Variants in XPA observed in about 807,000 individuals in gnomAD.
XPA encodes the protein XPA, DNA damage recognition and repair factor.
In XPA, 27 loss-of-function variants were observed where a neutral mutation model predicts 35.7. That is an observed-to-expected ratio of 0.76 (90% confidence interval 0.56 to 1.04). The LOEUF (loss-of-function observed/expected upper bound fraction) is 1.04. Among genes scored for constraint, XPA ranks in the 50% least tolerant of loss-of-function variants. The pLI, the probability that XPA is intolerant of heterozygous loss-of-function variation, is 0.00. For missense variants in XPA, 354 were observed against 342.7 expected (o/e 1.03, Z -0.26); for synonymous variants, 133 against 118.4 (o/e 1.12, Z -0.80).
intron 2 of XPA, among the ~76,000 whole-genome samples, chr9:97,690,394 G>A (rs887389173): frequency 6.6e-6 from 1 of 150,746 alleles, no homozygotes. Flanking sequence ...TTTTTGTTTT[G>A]TTTTGTTTTT....
the XPA span, among the ~76,000 whole-genome samples, chr9:97,669,360 G>T: frequency 6.6e-6 from 1 of 152,118 alleles, no homozygotes; most frequent in African/African-American, 2.4e-5. Context: ...ATATTACTAG[G>T]ATAAGTAATT....
the XPA span, among the ~76,000 whole-genome samples, chr9:97,663,970 G>C: frequency 3.3e-5 from 5 of 151,634 alleles, no homozygotes; most frequent in Non-Finnish European, 2.9e-5. Flanking sequence ...CTTGAAGCCA[G>C]GAGTTCGAGA....
In XPA at chr9:97,675,348, T is replaced by C. The variant is rs777059306; in HGVS notation, c.*91A>G. 5 of 1,335,338 alleles carry C rather than the reference T, an allele frequency of 3.7e-6. No individual in the cohort carries two copies. In the African/African-American group the frequency reaches 6.0e-5, roughly 16 times the overall value. 82.7% of individuals were successfully genotyped at this position (1,335,338 alleles called of 1,614,324 possible). ...AGGGTTTCATTCATCTATGAAGATG[T>C]TGCTTTTTTTTTTGAATTTTGAAAA... On this transcript the variant is annotated 3_prime_UTR_variant, in exon 6 of 6. Transcript: ENST00000375128.
chr9:97,675,944 T>C, intron 5 of XPA: 1 of 263,324 alleles, frequency 3.8e-6, no homozygotes, highest in South Asian at 5.2e-5. Context: ...AATGCCACAG[T>C]AGGAAAAGGA....
At chr9:97,661,167 T>C in the XPA span, 1 of 1,469,378 alleles carries the variant, frequency 6.8e-7, no homozygotes, top group African/African-American at 1.4e-5. Flanking sequence ...GCAATATATC[T>C]ATATCTGTTT....
At chr9:97,665,119 A>G in the XPA span, among the ~76,000 whole-genome samples, 1,531 of 152,288 alleles carry the variant, frequency 0.01, 25 homozygotes, top group African/African-American at 0.035. Flanking sequence ...GTCCATCACA[A>G]CCTTTAACTT....
chr9:97,687,347 C>G, intron 3 of XPA, 86 bp from the exon 4 acceptor site: 1 of 1,196,378 alleles, frequency 8.4e-7, no homozygotes, highest in Non-Finnish European at 1.1e-6. Context: ...GGGGCACACA[C>G]AGCAAAAAGG....
At position 97,689,592 on chromosome 9, in the gene XPA, C is replaced by A. The variant is rs769255883; in HGVS notation, c.331G>T (p.Glu111Ter). Residue 111 changes from glutamate (E) to a stop codon, truncating the protein, a stop_gained, in exon 3 of 6, where the codon GAA becomes TAA. Transcript: ENST00000375128. LOFTEE classifies it high-confidence loss of function. ...TTCATAAGATAAGAATCCATAAATT[C>A]TTTCCCACATTCTTCGCATATTACA... ...DYVICEECGK[E>*]FMDSYLMNHF... 5.0e-6 allele frequency: 8 copies of A among 1,613,144 alleles called. No homozygotes were observed. In the African/African-American group the frequency reaches 8.0e-5, roughly 16 times the overall value.
the XPA span, chr9:97,662,927 G>A: frequency 6.7e-7 from 1 of 1,503,414 alleles, no homozygotes; most frequent in Non-Finnish European, 9.2e-7. Flanking sequence ...AGTATATATG[G>A]TATTTTTTTC....
chr9:97,693,618 T>C (rs1335660185), intron 2 of XPA, 31 bp downstream of exon 2: 11 of 1,579,914 alleles, frequency 7.0e-6, no homozygotes, highest in Admixed American at 5.0e-5. Flanking sequence ...ATAACCAATC[T>C]AGATACTTAT....
intron 5 of XPA, among the ~76,000 whole-genome samples, chr9:97,683,323 AC>A (rs1203118708): frequency 6.6e-6 from 1 of 152,268 alleles, no homozygotes; most frequent in East Asian, 1.9e-4. Flanking sequence ...GGTGTAAAGC[AC>A]TGAAAAGATT....
the XPA span, among the ~76,000 whole-genome samples, chr9:97,657,256 G>A: frequency 5.3e-5 from 8 of 152,292 alleles, no homozygotes; most frequent in East Asian, 3.9e-4. Context: ...ATGAGCCACC[G>A]TGCCCAGCCT....
chr9:97,686,422 G>A (rs531959367), intron 4 of XPA, among the ~76,000 whole-genome samples: 1 of 152,146 alleles, frequency 6.6e-6, no homozygotes, highest in African/African-American at 2.4e-5. Context: ...ATGGACACTC[G>A]CTAGCATTCC....
chr9:97,695,558 G>A (rs77037505), intron 1 of XPA, among the ~76,000 whole-genome samples: 169 of 152,258 alleles, frequency 1.1e-3, no homozygotes, highest in African/African-American at 3.9e-3. Context: ...TGGAGTAGTC[G>A]AGCCCATGAC....
intron 1 of XPA, 120 bp from the exon 2 acceptor site, chr9:97,693,879 A>G: frequency 1.1e-6 from 1 of 915,694 alleles, no homozygotes; most frequent in South Asian, 1.4e-5. Flanking sequence ...GATGTCCACA[A>G]TCACTACTTC....
the XPA span, among the ~76,000 whole-genome samples, chr9:97,657,410 A>G: frequency 6.6e-6 from 1 of 152,058 alleles, no homozygotes; most frequent in African/African-American, 2.4e-5. Context: ...GATTGCTCTG[A>G]TATTTCTCAT....
downstream of XPA, chr9:97,671,518 A>G (rs571249439): frequency 8.1e-5 from 20 of 246,028 alleles, no homozygotes; most frequent in South Asian, 9.8e-4. Context: ...CTAGAGGTCA[A>G]CCTTACATAG....
intron 2 of XPA, among the ~76,000 whole-genome samples, 181 bp downstream of exon 2, chr9:97,693,468 C>T (rs1438338844): frequency 6.6e-6 from 1 of 152,140 alleles, no homozygotes; most frequent in East Asian, 1.9e-4. Flanking sequence ...ATATGCATGG[C>T]TGTTTCTTTG....
chr9:97,687,524 G>A (rs991151810), intron 3 of XPA, among the ~76,000 whole-genome samples: 1 of 152,184 alleles, frequency 6.6e-6, no homozygotes, highest in Non-Finnish European at 1.5e-5. Flanking sequence ...GGGCAGGGGT[G>A]TATTTTGCAA....
Sources: gnomAD v4.1 joint callset for allele counts (sites outside exome capture counted in the v4.1 genomes callset) on GRCh38, gnomAD v4.1.1 for gene constraint, MANE v1.5 for transcripts, NCBI Gene and HGNC (gene_info 2026-07-23, HGNC 2026-07-21) for gene names.